Variants in TECPR2 observed in about 807,000 individuals in gnomAD.
TECPR2 encodes the protein tectonin beta-propeller repeat-containing protein 2.
Under a neutral mutation model 138.1 loss-of-function variants are expected in TECPR2, and 65 were observed. The ratio of observed to expected loss-of-function variants is 0.47; its 90% CI spans 0.39 to 0.58. The LOEUF (loss-of-function observed/expected upper bound fraction) is 0.58, where lower values mean the gene tolerates loss of function less well. Ranked by LOEUF, TECPR2 falls within the 20% of genes least tolerant of loss-of-function variation. The pLI is 0.00. For synonymous variants in TECPR2, 746 were observed against 749.8 expected (o/e 0.99, Z 0.08); for missense variants, 1,553 against 1,824.5 (o/e 0.85, Z 2.71).
chr14:102,475,602 G>A (rs751817556), intron 17 of TECPR2, among the ~76,000 whole-genome samples: 3 of 152,120 alleles, frequency 2.0e-5, no homozygotes, highest in African/African-American at 4.8e-5. Context: ...GCAAGACTCC[G>A]AAGAATCAAA....
intron 9 of TECPR2, chr14:102,437,067 A>G (rs1262762450): frequency 3.0e-6 from 3 of 985,230 alleles, no homozygotes; most frequent in Middle Eastern, 5.2e-4. Flanking sequence ...GTGTGTTTTT[A>G]TTTGGAGGTT....
intron 19 of TECPR2, 56 bp from the exon 20 acceptor site, chr14:102,498,047 G>GCCCAAGCTCCCAGCTCCATCTGTT: frequency 6.3e-7 from 1 of 1,582,974 alleles, no homozygotes. Context: ...CTCCATCTGT[G>GCCCAAGCTCCCAGCTCCATCTGTT]CCCACCCCAC....
intron 1 of TECPR2, among the ~76,000 whole-genome samples, chr14:102,369,966 T>C (rs1048975680): frequency 1.3e-5 from 2 of 151,416 alleles, no homozygotes; most frequent in Non-Finnish European, 2.9e-5. Flanking sequence ...AAAAAATAAA[T>C]AAACAAACAA....
Position 102,415,867 on chromosome 14 carries a change from C to T in TECPR2, c.638+1074C>T, listed in dbSNP as rs999261780. On this transcript the variant is annotated intron_variant, in intron 5 of 19. Transcript: ENST00000359520. The surrounding 1 kb of genome is among the most constrained non-coding windows in gnomAD (Gnocchi z 4.3). ...GAGAGTGACAGCAGGGACTGGGAAA[C>T]ATGGTGAGATTGGCAGGCGTTGATG... 6.6e-6 allele frequency among the ~76,000 whole-genome samples: 1 copy of T among 152,124 alleles called. No homozygotes were observed. Among genetic ancestry groups the T allele is most frequent in the African/African-American group, 2.4e-5 (1 of 41,424 alleles).
chr14:102,376,596 ACTT>A, intron 1 of TECPR2, 51 bp from the exon 2 acceptor site: 1 of 812,224 alleles, frequency 1.2e-6, no homozygotes, highest in Non-Finnish European at 2.0e-6. Context: ...TATTAAACAT[ACTT>A]CTTTTTGCCA....
chr14:102,373,092 T>A (rs894579702), intron 1 of TECPR2, among the ~76,000 whole-genome samples: 27 of 152,174 alleles, frequency 1.8e-4, no homozygotes, highest in African/African-American at 6.3e-4. Context: ...GAATAAGAAG[T>A]TTCTGCATCC....
chr14:102,401,804 CAAAAAAA>C (rs34413626), intron 2 of TECPR2, among the ~76,000 whole-genome samples: 1 of 68,946 alleles, frequency 1.5e-5, no homozygotes, highest in African/African-American at 5.6e-5. Context: ...GACTCCGTCT[CAAAAAAA>C]AAAAAAAAAA....
In TECPR2 at chr14:102,419,981, G is replaced by T. The variant is rs1456847648; in HGVS notation, c.639-4998G>T. 6.6e-6 allele frequency among the ~76,000 whole-genome samples: 1 copy of T among 152,226 alleles called. No homozygotes were observed. Among genetic ancestry groups the T allele is most frequent in the African/African-American group, 2.4e-5 (1 of 41,460 alleles). On this transcript the variant is annotated intron_variant, in intron 5 of 19. Coordinates refer to ENST00000359520, the MANE Select transcript of TECPR2 (RefSeq NM_014844.5). The surrounding 1 kb of genome is among the most constrained non-coding windows in gnomAD (Gnocchi z 4.8). ...ACTAGCACATCTGTTTGGATGGCCA[G>T]TGGGTGTTAGCTGTTGAGATCTCTG... is the stretch of plus-strand genomic sequence containing the variant.
intron 2 of TECPR2, among the ~76,000 whole-genome samples, chr14:102,389,578 C>T (rs778804036): frequency 9.2e-5 from 14 of 152,128 alleles, no homozygotes; most frequent in Non-Finnish European, 1.3e-4. Flanking sequence ...AAAGGTGATA[C>T]GACAAAGTCT....
In TECPR2 at chr14:102,481,251, G is replaced by A. The variant is rs544694152; in HGVS notation, c.3790-15728G>A. ...ACTCCTGATCTCAGGTGATCTGCCC[G>A]CCTCGGCCTCCCAAAGTGCTGGGAT... On this transcript the variant is annotated intron_variant, in intron 17 of 19. Transcript: ENST00000359520. Among the ~76,000 whole-genome samples, 4 of 150,796 alleles carry A rather than the reference G, an allele frequency of 2.7e-5. No homozygotes were observed. The East Asian group carries it at 6.0e-4, about 23-fold the overall frequency.
At chr14:102,447,796 G>C (rs1890025955) in intron 13 of TECPR2, among the ~76,000 whole-genome samples, 1 of 152,104 alleles carries the variant, frequency 6.6e-6, no homozygotes, top group Admixed American at 6.6e-5. Flanking sequence ...GCCTCCCAAA[G>C]TGCTGGGATT....
chr14:102,421,019 T>C (rs1889165717), intron 5 of TECPR2, among the ~76,000 whole-genome samples: 1 of 152,232 alleles, frequency 6.6e-6, no homozygotes, highest in African/African-American at 2.4e-5. Flanking sequence ...CTTATTTATT[T>C]TTTATTTTAC....
At chr14:102,428,714 A>G (rs1238462091) in intron 7 of TECPR2, among the ~76,000 whole-genome samples, 2 of 152,156 alleles carry the variant, frequency 1.3e-5, no homozygotes, top group East Asian at 3.9e-4. Flanking sequence ...GTAAGCTAAG[A>G]TTGCACCACT....
At chr14:102,488,340 T>C (rs532824622) in intron 17 of TECPR2, among the ~76,000 whole-genome samples, 2 of 150,246 alleles carry the variant, frequency 1.3e-5, no homozygotes, top group Admixed American at 1.3e-4. Flanking sequence ...TTTAATTGAA[T>C]TTTTTTTTAT....
At chr14:102,488,760 C>A (rs1168977893) in intron 17 of TECPR2, among the ~76,000 whole-genome samples, 1 of 152,024 alleles carries the variant, frequency 6.6e-6, no homozygotes, top group Non-Finnish European at 1.5e-5. Flanking sequence ...ACTGTCACAA[C>A]CAAGGCTTGT....
At chr14:102,462,087 G>A (rs939481345) in intron 16 of TECPR2, among the ~76,000 whole-genome samples, 7 of 152,186 alleles carry the variant, frequency 4.6e-5, no homozygotes, top group African/African-American at 1.7e-4. Context: ...TGTTCACTGT[G>A]TAATGTGAAC....
intron 4 of TECPR2, among the ~76,000 whole-genome samples, chr14:102,411,698 TCAA>T (rs1888871073): frequency 1.0e-4 from 1 of 9,670 alleles, no homozygotes; most frequent in Admixed American, 1.7e-3. Context: ...GCCATGTTGC[TCAA>T]AAAAAAAAAA....
intron 16 of TECPR2, among the ~76,000 whole-genome samples, chr14:102,455,910 G>C (rs1595135572): frequency 6.6e-6 from 1 of 152,336 alleles, no homozygotes; most frequent in Non-Finnish European, 1.5e-5. Flanking sequence ...ACCACGTACA[G>C]TCCCTGCTAA....
chr14:102,498,003 T>C, intron 19 of TECPR2, 100 bp from the exon 20 acceptor site: 1 of 835,674 alleles, frequency 1.2e-6, no homozygotes, highest in Non-Finnish European at 1.8e-6. Flanking sequence ...CCACCTAGAA[T>C]GTGGCAAGCC....
Sources: allele counts gnomAD v4.1 joint callset (sites outside exome capture counted in the v4.1 genomes callset), GRCh38; gene constraint gnomAD v4.1.1; non-coding constraint Gnocchi (gnomAD v3.1); transcripts MANE v1.5; gene names NCBI Gene and HGNC (gene_info 2026-07-23, HGNC 2026-07-21).